The following CSMD1 variants were observed in gnomAD, a reference collection of about 807,000 sequenced individuals.
CSMD1 encodes CUB and sushi domain-containing protein 1.
A neutral mutation model predicts 417.5 loss-of-function variants in CSMD1; 213 were observed. That is an observed-to-expected ratio of 0.51 (90% CI 0.46 to 0.57). CSMD1 has a LOEUF of 0.57. CSMD1 is among the 20% of genes least tolerant of loss of function. The probability of loss-of-function intolerance (pLI) is 0.00; values close to 1 mark genes in which losing one functional copy is unlikely to be tolerated. For missense variants in CSMD1, 6,923 were observed against 4,529.7 expected (o/e 1.53, Z -15.17); for synonymous variants, 2,862 against 1,736.8 (o/e 1.65, Z -16.11).
intron 6 of CSMD1, among the ~76,000 whole-genome samples, chr8:3,716,683 C>T (rs1180045614): frequency 6.6e-6 from 1 of 152,128 alleles, no homozygotes; most frequent in Non-Finnish European, 1.5e-5. Context: ...CCTTAACCTC[C>T]TGGGAATGCA....
At chr8:3,146,977 A>G (rs571696658) in intron 40 of CSMD1, among the ~76,000 whole-genome samples, 2 of 152,338 alleles carry the variant, frequency 1.3e-5, no homozygotes, top group South Asian at 2.1e-4. Context: ...AATCCTCCCA[A>G]GGTGAAAAAC....
In CSMD1 at chr8:3,783,447, C is replaced by A. The variant is rs141558351; in HGVS notation, c.819-29405G>T. Among the ~76,000 whole-genome samples the A allele has an allele frequency of 4.7e-4, 71 of 152,246 alleles. No individual in the cohort carries two copies. The East Asian group carries it at 0.013, about 27-fold the overall frequency. ...GGGCGGCCCTATGCTGATGGCAGGTCGGGAGCACAGAAGCATTGGCGGGCT... is the reference window on the plus strand; with the variant it reads ...GGGCGGCCCTATGCTGATGGCAGGTAGGGAGCACAGAAGCATTGGCGGGCT... On this transcript the variant is annotated intron_variant, in intron 5 of 69. Transcript: ENST00000635120.
At chr8:3,686,568 T>C (rs1799955080) in intron 7 of CSMD1, among the ~76,000 whole-genome samples, 1 of 152,200 alleles carries the variant, frequency 6.6e-6, no homozygotes, top group African/African-American at 2.4e-5. Context: ...CGAAATATAC[T>C]GTCTTGATAC....
chr8:4,189,712 T>A (rs573837274), intron 3 of CSMD1, among the ~76,000 whole-genome samples: 8 of 152,106 alleles, frequency 5.3e-5, no homozygotes, highest in African/African-American at 1.9e-4. Context: ...AATTTTTCAT[T>A]TGTATTCTAA....
intron 36 of CSMD1, among the ~76,000 whole-genome samples, chr8:3,185,569 T>C (rs563737832): frequency 6.6e-6 from 1 of 152,386 alleles, no homozygotes; most frequent in Admixed American, 6.5e-5. Flanking sequence ...AACCTATTTC[T>C]AATATTAGGA....
At chr8:4,198,917 A>G (rs913418565) in intron 3 of CSMD1, among the ~76,000 whole-genome samples, 89 of 151,088 alleles carry the variant, frequency 5.9e-4, no homozygotes, top group African/African-American at 2.2e-3. Flanking sequence ...CCTTCCACGC[A>G]GGTTTTTTTT....
intron 6 of CSMD1, among the ~76,000 whole-genome samples, chr8:3,712,840 G>C (rs564008390): frequency 6.6e-6 from 1 of 152,170 alleles, no homozygotes; most frequent in African/African-American, 2.4e-5. Context: ...GGTCTACAGA[G>C]GCCAGGGCTG....
At chr8:3,418,479 T>A (rs1229792510) in intron 12 of CSMD1, among the ~76,000 whole-genome samples, 1 of 152,118 alleles carries the variant, frequency 6.6e-6, no homozygotes, top group Non-Finnish European at 1.5e-5. Context: ...AAGATATTGG[T>A]CAGCTATAAT....
chr8:4,683,535 G>C (rs1374472600), intron 1 of CSMD1, among the ~76,000 whole-genome samples: 1 of 152,148 alleles, frequency 6.6e-6, no homozygotes, highest in Non-Finnish European at 1.5e-5. Context: ...TGCCAGGACA[G>C]TAAATTAGCA....
chr8:4,283,479 T>C (rs1262653718), intron 3 of CSMD1, among the ~76,000 whole-genome samples: 2 of 152,238 alleles, frequency 1.3e-5, no homozygotes, highest in Non-Finnish European at 2.9e-5. Flanking sequence ...TCCCACTTTG[T>C]ACCAATATAT....
rs1425227401 is a variant in CSMD1, at chr8:4,400,688, G to C, written c.415+19265C>G. Among the ~76,000 whole-genome samples, 3 of 150,384 alleles carry C rather than the reference G, an allele frequency of 2.0e-5. No homozygotes were observed. The East Asian group carries it at 5.9e-4, about 30-fold the overall frequency. On this transcript the variant is annotated intron_variant, in intron 3 of 69. Coordinates refer to ENST00000635120, the MANE Select transcript of CSMD1 (RefSeq NM_033225.6). ...TATTTTAGGCCGTTCAGGCTAATTT[G>C]CCTTTTTTTTCAGATTTTTTAATGG...
At chr8:3,127,488 G>A (rs1817570510) in intron 41 of CSMD1, 1 of 152,152 alleles carries the variant, frequency 6.6e-6, no homozygotes, top group Admixed American at 6.5e-5. Flanking sequence ...ATTGTGCCTG[G>A]AGGTGGCTTA....
At chr8:4,987,370 G>A (rs1157029926) in intron 1 of CSMD1, among the ~76,000 whole-genome samples, 5 of 152,182 alleles carry the variant, frequency 3.3e-5, no homozygotes, top group Non-Finnish European at 7.3e-5. Context: ...GTTCAGTACA[G>A]AAAGCAGAGG....
At chr8:3,518,545 A>C (rs1471967495) in intron 10 of CSMD1, among the ~76,000 whole-genome samples, 1 of 152,250 alleles carries the variant, frequency 6.6e-6, no homozygotes, top group Non-Finnish European at 1.5e-5. Context: ...CCATAAAGTA[A>C]AATGCAGTAT....
chr8:3,732,958 C>T (rs1796341289), intron 6 of CSMD1, among the ~76,000 whole-genome samples: 1 of 152,082 alleles, frequency 6.6e-6, no homozygotes, highest in African/African-American at 2.4e-5. Flanking sequence ...TATCTACTTA[C>T]CTACCTACCT....
At chr8:3,123,834 C>A (rs1817347686) in intron 41 of CSMD1, among the ~76,000 whole-genome samples, 1 of 152,194 alleles carries the variant, frequency 6.6e-6, no homozygotes, top group South Asian at 2.1e-4. Flanking sequence ...GACACACACA[C>A]ATTTACAACA....
chr8:3,414,082 T>G (rs774001033), intron 12 of CSMD1, among the ~76,000 whole-genome samples: 2 of 146,168 alleles, frequency 1.4e-5, no homozygotes, highest in African/African-American at 2.6e-5. Context: ...GACGTTGCAG[T>G]GAGCCAAGAT....
intron 3 of CSMD1, among the ~76,000 whole-genome samples, chr8:4,091,749 T>G (rs1434188614): frequency 2.1e-4 from 32 of 152,218 alleles, no homozygotes; most frequent in Admixed American, 2.1e-3. Flanking sequence ...TATAAATGTA[T>G]CCTGTATTTA....
chr8:4,547,943 G>C (rs77829748), intron 2 of CSMD1, among the ~76,000 whole-genome samples: 2,005 of 152,230 alleles, frequency 0.013, 26 homozygotes, highest in Middle Eastern at 0.024. Flanking sequence ...TTTTGGGTCT[G>C]GAAAACAAAA....
Sources: gnomAD v4.1 joint callset for allele counts (sites outside exome capture counted in the v4.1 genomes callset) on GRCh38, gnomAD v4.1.1 for gene constraint, MANE v1.5 for transcripts, NCBI Gene and HGNC (gene_info 2026-07-23, HGNC 2026-07-21) for gene names.